KSR2: variants seen among roughly 807,000 people sequenced by gnomAD.
The protein encoded by KSR2 is kinase suppressor of ras 2.
KSR2 carries 25 observed loss-of-function variants against 107.8 expected under a neutral mutation model. The ratio of observed to expected loss-of-function variants is 0.23; its 90% CI spans 0.17 to 0.32. The LOEUF is 0.32. Among genes scored for constraint, KSR2 ranks in the 10% least tolerant of loss-of-function variants. The probability of loss-of-function intolerance (pLI) is 1.00; values close to 1 mark genes in which losing one functional copy is unlikely to be tolerated. For synonymous variants in KSR2, 480 were observed against 507.0 expected, an observed-to-expected ratio of 0.95 and a Z score of 0.71; for missense variants, 887 against 1,268.9, an observed-to-expected ratio of 0.70 and a Z score of 4.57.
intron 19 of KSR2, chr12:117,467,968 G>A (rs1172918942): frequency 6.0e-6 from 2 of 335,784 alleles, no homozygotes; most frequent in African/African-American, 4.5e-5. Flanking sequence ...TATAGAAAGA[G>A]AAGCCTCCTG....
At chr12:117,947,186 GAAA>G (rs374803310) in intron 1 of KSR2, among the ~76,000 whole-genome samples, 1 of 99,248 alleles carries the variant, frequency 1.0e-5, no homozygotes, top group Non-Finnish European at 2.1e-5. Flanking sequence ...AAGAAAGAAA[GAAA>G]AGAAAGAAAA....
At chr12:117,712,961 ATTAT>A (rs937827620) in intron 4 of KSR2, among the ~76,000 whole-genome samples, 12 of 151,730 alleles carry the variant, frequency 7.9e-5, no homozygotes, top group African/African-American at 2.4e-4. Context: ...ATTCATCTAT[ATTAT>A]TTAAGTAGAT....
At chr12:117,656,994 A>AG (rs1265997466) in intron 5 of KSR2, among the ~76,000 whole-genome samples, 19 of 110,526 alleles carry the variant, frequency 1.7e-4, no homozygotes, top group African/African-American at 8.3e-4. Context: ...ATATATATAT[A>AG]TATATATATA....
intron 1 of KSR2, among the ~76,000 whole-genome samples, chr12:117,960,212 C>G (rs1896620020): frequency 6.6e-6 from 1 of 152,202 alleles, no homozygotes. Context: ...CTTTGTTGAT[C>G]ATCCCATATC....
At chr12:117,830,009 TGTAATCCCA>T (rs1433220131) in intron 3 of KSR2, among the ~76,000 whole-genome samples, 2 of 152,220 alleles carry the variant, frequency 1.3e-5, no homozygotes, top group African/African-American at 4.8e-5. Flanking sequence ...GGCTCACGTC[TGTAATCCCA>T]GCACTCTGGG....
chr12:117,772,196 CACAA>C (rs564358795), intron 3 of KSR2, among the ~76,000 whole-genome samples: 75 of 138,936 alleles, frequency 5.4e-4, no homozygotes, highest in Middle Eastern at 4.7e-3. Flanking sequence ...CCCAAAGACG[CACAA>C]ACACACACTC....
At chr12:117,721,125 A>C (rs942631848) in intron 4 of KSR2, among the ~76,000 whole-genome samples, 1 of 152,232 alleles carries the variant, frequency 6.6e-6, no homozygotes. Flanking sequence ...AGTCGTCAAA[A>C]GCAAGAAGTT....
intron 4 of KSR2, among the ~76,000 whole-genome samples, chr12:117,709,227 T>C (rs1370235063): frequency 6.6e-6 from 1 of 152,206 alleles, no homozygotes; most frequent in Non-Finnish European, 1.5e-5. Context: ...TCTCTTCCAC[T>C]GGTGTTAATC....
At chr12:117,828,316 T>C (rs1176891247) in intron 3 of KSR2, among the ~76,000 whole-genome samples, 1 of 152,156 alleles carries the variant, frequency 6.6e-6, no homozygotes, top group African/African-American at 2.4e-5. Context: ...AAAGCCACAG[T>C]CAAGTTCAGG....
intron 1 of KSR2, among the ~76,000 whole-genome samples, chr12:117,888,358 C>T (rs1322931674): frequency 3.3e-5 from 5 of 152,138 alleles, no homozygotes; most frequent in Admixed American, 3.3e-4. Flanking sequence ...CTCTATGACT[C>T]CACCTACATG....
chr12:117,688,093 C>A (rs1885651379), intron 4 of KSR2, among the ~76,000 whole-genome samples: 1 of 151,456 alleles, frequency 6.6e-6, no homozygotes, highest in South Asian at 2.1e-4. Context: ...AAAAAAAAGT[C>A]TATTGGCCGG....
At chr12:117,619,425 T>A (rs1005333384) in intron 5 of KSR2, among the ~76,000 whole-genome samples, 4 of 151,890 alleles carry the variant, frequency 2.6e-5, no homozygotes, top group Admixed American at 2.6e-4. Context: ...TGTGTTCTCA[T>A]CGTTCAAGTC....
At chr12:117,493,562 C>T (rs11068516) in intron 14 of KSR2, among the ~76,000 whole-genome samples, 8 of 152,076 alleles carry the variant, frequency 5.3e-5, no homozygotes, top group African/African-American at 1.9e-4. Context: ...GTCACTCCCC[C>T]CAATAGGTCC....
At chr12:117,475,343 T>C (rs1871711408) in intron 17 of KSR2, among the ~76,000 whole-genome samples, 2 of 152,188 alleles carry the variant, frequency 1.3e-5, no homozygotes, top group Admixed American at 6.5e-5. Flanking sequence ...CCCAGCCTAA[T>C]TTTTTTCCTG....
chr12:117,557,400 C>T (rs1260719192), intron 8 of KSR2, among the ~76,000 whole-genome samples: 1 of 152,118 alleles, frequency 6.6e-6, no homozygotes, highest in Non-Finnish European at 1.5e-5. Context: ...CTGACTCCTG[C>T]TCTAGAGCAG....
At chr12:117,579,317 C>T in intron 6 of KSR2, 115 bp from the exon 7 acceptor site, 3 of 756,360 alleles carry the variant, frequency 4.0e-6, no homozygotes, top group African/African-American at 1.7e-5. Context: ...AGTCCTGTTT[C>T]TTTCGAGCTG....
Position 117,761,133 on chromosome 12 carries a change from C to T in KSR2, c.864G>A (p.Pro288=), listed in dbSNP as rs771169274. Residue 288 remains proline, a synonymous_variant, in exon 4 of 20, where the codon CCG becomes CCA. Coordinates refer to ENST00000339824, the MANE Select transcript of KSR2 (RefSeq NM_173598.6). ...TTCGGGAGGAGGGCGGTGGGGTCCC[C>T]GGGGGCTTCAGCTTGTTCTTCTTCC... ...PMRKKNKLKP[P]GTPPPSSRKL... 6.8e-6 allele frequency: 11 copies of T among 1,612,040 alleles called. 1 individual carries two copies. Among genetic ancestry groups the T allele is most frequent in the South Asian group, 1.1e-5 (1 of 90,950 alleles).
At chr12:117,702,656 C>T (rs894857529) in intron 4 of KSR2, among the ~76,000 whole-genome samples, 1 of 152,178 alleles carries the variant, frequency 6.6e-6, no homozygotes, top group Non-Finnish European at 1.5e-5. Context: ...TCAGTGTTGA[C>T]AGAACTATCT....
intron 4 of KSR2, among the ~76,000 whole-genome samples, chr12:117,685,891 T>TC (rs58921758): frequency 0.071 from 10,779 of 152,176 alleles, 759 homozygotes; most frequent in African/African-American, 0.18. Context: ...TAATGCTGAT[T>TC]CCCCCCCTGT....
Sources: allele counts gnomAD v4.1 joint callset (sites outside exome capture counted in the v4.1 genomes callset), GRCh38; gene constraint gnomAD v4.1.1; transcripts MANE v1.5; gene names NCBI Gene and HGNC (gene_info 2026-07-23, HGNC 2026-07-21).